EZH2: variants seen among roughly 807,000 people sequenced by gnomAD.
The protein encoded by EZH2 is enhancer of zeste 2 polycomb repressive complex 2 subunit, also known as histone-lysine N-methyltransferase EZH2.
A neutral mutation model predicts 98.4 loss-of-function variants in EZH2; 18 were observed. The observed-to-expected ratio is 0.18, with a 90% CI of 0.13 to 0.27. EZH2 has a LOEUF of 0.27. EZH2 is among the 10% of genes least tolerant of loss of function. The pLI, the probability that EZH2 is intolerant of heterozygous loss-of-function variation, is 1.00. For synonymous variants in EZH2, 338 were observed against 312.3 expected (o/e 1.08, Z -0.87); for missense variants, 470 against 935.1 (o/e 0.50, Z 6.49).
At position 148,856,811 on chromosome 7, in the gene EZH2, A is replaced by C. The variant is rs907382364; in HGVS notation, c.-7-9506T>G. ...TTATTCATGAGTCTATGATATAAAT[A>C]AGTGATTAAATAAACAACTGGAGGA... On this transcript the variant is annotated intron_variant, in intron 1 of 19. Transcript: ENST00000320356. Among the ~76,000 whole-genome samples the C allele has an allele frequency of 6.6e-5, 10 of 152,246 alleles. 1 individual carries two copies.
At chr7:148,809,019 A>G in intron 19 of EZH2, 52 bp downstream of exon 19, 1 of 1,459,058 alleles carries the variant, frequency 6.9e-7, no homozygotes, top group African/African-American at 1.4e-5. Flanking sequence ...CAGAGTTCAC[A>G]ATCCAGTAGA....
At chr7:148,833,348 A>G (rs1037206949) in intron 3 of EZH2, among the ~76,000 whole-genome samples, 1 of 151,458 alleles carries the variant, frequency 6.6e-6, no homozygotes, top group South Asian at 2.1e-4. Flanking sequence ...TCCCAGCTAC[A>G]CGGGAGGCTG....
intron 1 of EZH2, among the ~76,000 whole-genome samples, chr7:148,847,687 T>C (rs1439661588): frequency 1.9e-5 from 2 of 104,978 alleles, no homozygotes; most frequent in African/African-American, 3.7e-5. Flanking sequence ...GCTGTTACAG[T>C]AGCAAGGCAT....
intron 11 of EZH2, 46 bp from the exon 12 acceptor site, chr7:148,816,824 G>C (rs975487048): frequency 7.1e-7 from 1 of 1,412,434 alleles, no homozygotes; most frequent in East Asian, 2.3e-5. Flanking sequence ...GTCTTATTTA[G>C]GCAAACCATT....
In EZH2 at chr7:148,819,691, C is replaced by G; in HGVS notation, c.908-4G>C. ...GTGTTGGGTGTTGCATGAAAAGCTGCAAAATAAATGAAACAAAGAATCTAA... is the reference window on the plus strand; with the variant it reads ...GTGTTGGGTGTTGCATGAAAAGCTGGAAAATAAATGAAACAAAGAATCTAA... On this transcript the variant is annotated splice_polypyrimidine_tract_variant and splice_region_variant and intron_variant, in intron 8 of 19. Transcript: ENST00000320356. The G allele has an allele frequency of 6.2e-7, 1 of 1,612,848 alleles. No individual in the cohort carries two copies. Among genetic ancestry groups the G allele is most frequent in the Non-Finnish European group, 8.5e-7 (1 of 1,179,146 alleles).
intron 1 of EZH2, among the ~76,000 whole-genome samples, chr7:148,854,165 G>A (rs139139500): frequency 1.1e-4 from 16 of 152,328 alleles, no homozygotes; most frequent in South Asian, 4.1e-4. Context: ...AAATTCTACC[G>A]GGAGGCGCGG....
In EZH2 at chr7:148,819,579, T is replaced by A; in HGVS notation, c.999+17A>T. The stretch of plus-strand genomic sequence containing the variant: ...CCTCTCAAGTACCCTCTGCAATAAT[T>A]AGGCACTAAGTCTTACCAAATGCTG... On this transcript the variant is annotated intron_variant, in intron 9 of 19. Transcript: ENST00000320356. The A allele has an allele frequency of 6.2e-7, 1 of 1,605,942 alleles. No homozygotes were observed. The highest frequency in any genetic ancestry group is 8.5e-7 in the Non-Finnish European group (1 of 1,173,300).
intron 9 of EZH2, among the ~76,000 whole-genome samples, chr7:148,818,515 C>G (rs914405874): frequency 6.6e-6 from 1 of 152,066 alleles, no homozygotes; most frequent in Non-Finnish European, 1.5e-5. Flanking sequence ...AATCATATAC[C>G]TAATGTGCAC....
chr7:148,855,818 A>T (rs1270676987), intron 1 of EZH2, among the ~76,000 whole-genome samples: 2 of 150,930 alleles, frequency 1.3e-5, no homozygotes, highest in Admixed American at 6.6e-5. Context: ...GAATCGCTTG[A>T]ACCTAGGAGG....
chr7:148,815,079 G>C (rs1301899363), intron 13 of EZH2, 40 bp from the exon 14 acceptor site: 4 of 1,604,432 alleles, frequency 2.5e-6, no homozygotes, highest in Non-Finnish European at 1.7e-6. Flanking sequence ...TGAATCCAGG[G>C]AGATGGAAAC....
intron 5 of EZH2, among the ~76,000 whole-genome samples, chr7:148,829,362 T>C (rs550626486): frequency 5.9e-5 from 9 of 152,296 alleles, no homozygotes; most frequent in African/African-American, 2.2e-4. Context: ...TTTTTAGTAG[T>C]AGGGGCTGTT....
chr7:148,843,601 T>G lies in EZH2; in HGVS notation c.246+2869A>C, dbSNP rs1271289911. Among the ~76,000 whole-genome samples, 13 of 117,178 alleles carry G rather than the reference T, an allele frequency of 1.1e-4. 1 individual carries two copies. Among genetic ancestry groups the G allele is most frequent in the East Asian group, 4.8e-4 (2 of 4,176 alleles). The allele number at this position is 117,178 out of a possible 152,430, so 76.9% of individuals were successfully genotyped here. A position where few individuals can be genotyped will look rare whatever the true frequency, so the allele number is the denominator to read the frequency against. ...AGTATAAGTTTTTTTTTTTTTTTTT[T>G]TTTTTTTTTTTTGAGACAGCGTCTC... On this transcript the variant is annotated intron_variant, in intron 3 of 19. Transcript: ENST00000320356.
At position 148,807,702 on chromosome 7, in the gene EZH2, T is replaced by TGTATCTGAAACAACAGGAAGG; in HGVS notation, c.2196-17_2199dup (p.Tyr733_Ser734insProSerCysCysPheArgTyr). On this transcript the variant is annotated inframe_insertion, in exon 20 of 20. Transcript: ENST00000320356. ...ACATACTTCAGGGCATCAGCCTGGC[T>TGTATCTGAAACAACAGGAAGG]GTATCTGAAACAACAGGAAGGAGAT... 6.3e-7 allele frequency: 1 copy of TGTATCTGAAACAACAGGAAGG among 1,592,036 alleles called. No homozygotes were observed. The highest frequency in any genetic ancestry group is 1.1e-5 in the South Asian group (1 of 87,274).
At position 148,814,834 on chromosome 7, in the gene EZH2, T is replaced by A. The variant is rs139362271; in HGVS notation, c.1672+80A>T. ...AGTAAACAAGGGAGTGCTCCCATGTTCTTATTTTTGATTTTTTAAATTGCT... is the reference window on the plus strand; with the variant it reads ...AGTAAACAAGGGAGTGCTCCCATGTACTTATTTTTGATTTTTTAAATTGCT... On this transcript the variant is annotated intron_variant, in intron 14 of 19. Coordinates refer to ENST00000320356, the MANE Select transcript of EZH2 (RefSeq NM_004456.5). 2,422 of 1,508,240 alleles carry A rather than the reference T, an allele frequency of 1.6e-3. 35 individuals carry two copies. Among genetic ancestry groups the A allele is most frequent in the Middle Eastern group, 9.9e-4 (4 of 4,024 alleles). 93.4% of individuals were successfully genotyped at this position (1,508,240 alleles called of 1,614,324 possible).
intron 3 of EZH2, among the ~76,000 whole-genome samples, chr7:148,835,232 C>A (rs1480872077): frequency 6.6e-6 from 1 of 151,990 alleles, no homozygotes; most frequent in Non-Finnish European, 1.5e-5. Context: ...CCAGCCTGGG[C>A]AACATGGGGA....
chr7:148,869,961 C>G (rs1451554690), intron 1 of EZH2, among the ~76,000 whole-genome samples: 5 of 152,304 alleles, frequency 3.3e-5, no homozygotes, highest in South Asian at 2.1e-4. Context: ...TGGCTCATGC[C>G]TGTAATCCCT....
At chr7:148,859,916 C>G (rs1817421763) in intron 1 of EZH2, among the ~76,000 whole-genome samples, 1 of 152,114 alleles carries the variant, frequency 6.6e-6, no homozygotes, top group Admixed American at 6.6e-5. Flanking sequence ...ACTAGTAGGT[C>G]TCATTATCCT....
At chr7:148,833,139 G>A (rs1809847061) in intron 3 of EZH2, among the ~76,000 whole-genome samples, 1 of 152,068 alleles carries the variant, frequency 6.6e-6, no homozygotes, top group Non-Finnish European at 1.5e-5. Flanking sequence ...TACCAAATAA[G>A]CCACTTAAAT....
intron 1 of EZH2, among the ~76,000 whole-genome samples, chr7:148,864,570 A>ACT (rs1160499205): frequency 6.6e-6 from 1 of 151,468 alleles, no homozygotes; most frequent in Non-Finnish European, 1.5e-5. Flanking sequence ...AGTCCAAGAT[A>ACT]CTCTGGAGGC....
Sources: allele counts gnomAD v4.1 joint callset (sites outside exome capture counted in the v4.1 genomes callset), GRCh38; gene constraint gnomAD v4.1.1; transcripts MANE v1.5; gene names NCBI Gene and HGNC (gene_info 2026-07-23, HGNC 2026-07-21).